The following RBBP8 variants were observed in gnomAD, a reference collection of about 807,000 sequenced individuals.
The protein encoded by RBBP8 is RB binding protein 8, endonuclease.
RBBP8 carries 88 observed loss-of-function variants against 108.3 expected under a neutral mutation model. The ratio of observed to expected loss-of-function variants is 0.81; its 90% CI spans 0.68 to 0.97. The LOEUF is 0.97. RBBP8 is among the 50% of genes least tolerant of loss of function. The pLI is 0.00. For missense variants in RBBP8, 1,023 were observed against 1,049.0 expected (o/e 0.98, Z 0.34); for synonymous variants, 332 against 348.2 (o/e 0.95, Z 0.52).
chr18:23,008,701 A>G (rs2046101355), intron 16 of RBBP8, among the ~76,000 whole-genome samples: 1 of 151,304 alleles, frequency 6.6e-6, no homozygotes, highest in Non-Finnish European at 1.5e-5. Context: ...CTAGGGTTGC[A>G]CTTTAGTCAT....
At chr18:22,945,196 A>G (rs1911446340) in intron 2 of RBBP8, among the ~76,000 whole-genome samples, 1 of 152,132 alleles carries the variant, frequency 6.6e-6, no homozygotes, top group African/African-American at 2.4e-5. Flanking sequence ...TAGTAAAAGC[A>G]CTGATTGAGA....
chr18:22,956,592 C>T (rs1242870791), intron 4 of RBBP8, among the ~76,000 whole-genome samples: 2 of 152,270 alleles, frequency 1.3e-5, no homozygotes, highest in South Asian at 2.1e-4. Flanking sequence ...CTGCCTTGGC[C>T]TTCCACGGTA....
intron 2 of RBBP8, among the ~76,000 whole-genome samples, chr18:22,940,816 T>A (rs779293774): frequency 3.3e-5 from 5 of 151,794 alleles, no homozygotes; most frequent in Non-Finnish European, 2.9e-5. Context: ...CTGGCTAATT[T>A]ATTTTTTTAT....
intron 8 of RBBP8, among the ~76,000 whole-genome samples, chr18:22,988,638 A>G (rs1157234977): frequency 6.6e-6 from 1 of 152,138 alleles, no homozygotes; most frequent in African/African-American, 2.4e-5. Flanking sequence ...ATTCTATTGC[A>G]GTTCTCTTTT....
intron 16 of RBBP8, 81 bp downstream of exon 16, chr18:23,006,513 T>A: frequency 2.4e-6 from 3 of 1,253,978 alleles, no homozygotes; most frequent in Non-Finnish European, 3.5e-6. Flanking sequence ...TTTTTTCTTT[T>A]TTTTTAAAGA....
intron 8 of RBBP8, among the ~76,000 whole-genome samples, chr18:22,988,132 A>G (rs1463910182): frequency 6.6e-6 from 1 of 152,186 alleles, no homozygotes; most frequent in African/African-American, 2.4e-5. Flanking sequence ...AGTTTAGGCT[A>G]CTAGCATCTC....
intron 15 of RBBP8, 146 bp from the exon 16 acceptor site, chr18:23,006,217 G>T: frequency 1.4e-6 from 1 of 707,874 alleles, no homozygotes; most frequent in Non-Finnish European, 2.4e-6. Flanking sequence ...CAAAGTTGCA[G>T]AAAATTTAAA....
intron 2 of RBBP8, among the ~76,000 whole-genome samples, chr18:22,944,971 A>G (rs1276787681): frequency 2.6e-5 from 4 of 152,216 alleles, no homozygotes; most frequent in Non-Finnish European, 4.4e-5. Flanking sequence ...AAGAAAAATT[A>G]TGTTCTTAGG....
At chr18:23,011,718 C>T (rs992446435) in intron 16 of RBBP8, among the ~76,000 whole-genome samples, 3 of 152,096 alleles carry the variant, frequency 2.0e-5, no homozygotes, top group African/African-American at 7.2e-5. Context: ...GGATCACAGG[C>T]GTGAGCCACC....
chr18:22,932,423 G>A (rs1364239178), upstream of RBBP8, among the ~76,000 whole-genome samples: 3 of 152,158 alleles, frequency 2.0e-5, no homozygotes, highest in East Asian at 1.9e-4. Context: ...GCTGTAACAG[G>A]CTAATAGAAG....
Position 22,971,274 on chromosome 18 carries a change from T to C in RBBP8, c.361+2356T>C, listed in dbSNP as rs145013580. Among the ~76,000 whole-genome samples the C allele has an allele frequency of 2.6e-3, 396 of 152,316 alleles. 2 individuals carry two copies. Among genetic ancestry groups the C allele is most frequent in the Admixed American group, 4.8e-3 (73 of 15,296 alleles). On this transcript the variant is annotated intron_variant, in intron 5 of 18. Transcript: ENST00000327155. ...AAGATGACTAAGGATTTCTGAGGTC[T>C]TTCATTAGCTTTATTTTGCTGTAGA...
intron 2 of RBBP8, among the ~76,000 whole-genome samples, chr18:22,937,834 A>G (rs1213089364): frequency 6.7e-6 from 1 of 149,454 alleles, no homozygotes; most frequent in East Asian, 2.0e-4. Flanking sequence ...TTTATTTACT[A>G]ATTAATTTTC....
intron 12 of RBBP8, among the ~76,000 whole-genome samples, chr18:22,994,486 C>CA (rs2045817491): frequency 6.8e-6 from 1 of 148,046 alleles, no homozygotes; most frequent in Admixed American, 6.7e-5. Flanking sequence ...ACTAAAAACA[C>CA]AAAAAATAAG....
intron 4 of RBBP8, among the ~76,000 whole-genome samples, chr18:22,968,262 C>T (rs890289271): frequency 1.4e-4 from 21 of 151,768 alleles, no homozygotes; most frequent in East Asian, 5.9e-4. Context: ...TTAGTAGAGA[C>T]GGTGTTTACT....
intron 8 of RBBP8, among the ~76,000 whole-genome samples, chr18:22,985,942 CT>C (rs1915297242): frequency 1.3e-5 from 2 of 152,080 alleles, no homozygotes; most frequent in Non-Finnish European, 2.9e-5. Context: ...TGATTTTCAA[CT>C]TTTCTTTTGT....
intron 4 of RBBP8, among the ~76,000 whole-genome samples, chr18:22,950,655 T>TG (rs1660596618): frequency 1.3e-5 from 2 of 152,130 alleles, no homozygotes; most frequent in African/African-American, 4.8e-5. Flanking sequence ...TAGTGGCTCA[T>TG]GCCTGTAACC....
At position 23,016,840 on chromosome 18, in the gene RBBP8, G is replaced by A; in HGVS notation, c.2370G>A (p.Leu790=). ...YFKGDERETS[L]QNFPHIEVVR... ...ATTTTTCCCCCAGAGAGACTAGCTT[G>A]CAAAATTTTCCTCATATTGAGGTGG... Residue 790 remains leucine, a synonymous_variant, in exon 17 of 19, where the codon TTG becomes TTA. Coordinates refer to ENST00000327155, the MANE Select transcript of RBBP8 (RefSeq NM_002894.3). The A allele has an allele frequency of 6.2e-7, 1 of 1,613,154 alleles. No individual in the cohort carries two copies. Among genetic ancestry groups the A allele is most frequent in the Admixed American group, 1.7e-5 (1 of 60,006 alleles).
intron 18 of RBBP8, among the ~76,000 whole-genome samples, chr18:23,022,637 T>TATAAAATAAAATATA (rs1555650068): frequency 1.3e-5 from 1 of 78,050 alleles, no homozygotes; most frequent in Non-Finnish European, 2.6e-5. Flanking sequence ...TAAAATAAAA[T>TATAAAATAAAATATA]AAATAAAATA....
chr18:22,957,522 T>G (rs374569901), intron 4 of RBBP8, among the ~76,000 whole-genome samples: 49 of 152,336 alleles, frequency 3.2e-4, no homozygotes, highest in African/African-American at 9.9e-4. Context: ...GAAGCTTTTA[T>G]TTCTTCATCT....
Sources: gnomAD v4.1 joint callset for allele counts (sites outside exome capture counted in the v4.1 genomes callset) on GRCh38, gnomAD v4.1.1 for gene constraint, MANE v1.5 for transcripts, NCBI Gene and HGNC (gene_info 2026-07-23, HGNC 2026-07-21) for gene names.